ADK: variants seen among roughly 807,000 people sequenced by gnomAD.
ADK encodes the protein adenosine kinase, also known as N6,N6-dimethyladenosine kinase.
In ADK, 24 loss-of-function variants were observed where a neutral mutation model predicts 44.7. The observed-to-expected ratio is 0.54, with a 90% confidence interval of 0.39 to 0.76. The LOEUF (loss-of-function observed/expected upper bound fraction) is 0.76. Among genes scored for constraint, ADK ranks in the 30% least tolerant of loss-of-function variants. ADK has a pLI of 0.00. For missense variants in ADK, 321 were observed against 425.1 expected (o/e 0.76, Z 2.15); for synonymous variants, 128 against 142.6 (o/e 0.90, Z 0.73).
intron 10 of ADK, among the ~76,000 whole-genome samples, chr10:74,706,710 G>C (rs1309171136): frequency 6.6e-6 from 1 of 152,052 alleles, no homozygotes; most frequent in Non-Finnish European, 1.5e-5. Context: ...TCAAAGTTGA[G>C]TTTTTGCTAA....
At chr10:74,535,580 ATTT>A (rs748264198) in intron 7 of ADK, among the ~76,000 whole-genome samples, 6 of 129,516 alleles carry the variant, frequency 4.6e-5, no homozygotes, top group Non-Finnish European at 5.0e-5. Flanking sequence ...TTTTGACCCT[ATTT>A]TTTTTTTTTT....
At chr10:74,287,157 A>T (rs1314550231) in intron 3 of ADK, among the ~76,000 whole-genome samples, 1 of 152,146 alleles carries the variant, frequency 6.6e-6, no homozygotes, top group Admixed American at 6.5e-5. Context: ...GAGTGAGTGG[A>T]TATGATCGCT....
At chr10:74,443,626 G>A (rs1404451393) in intron 6 of ADK, among the ~76,000 whole-genome samples, 1 of 152,068 alleles carries the variant, frequency 6.6e-6, no homozygotes, top group Non-Finnish European at 1.5e-5. Context: ...CTGTGGTGAT[G>A]GTTACACATC....
intron 6 of ADK, among the ~76,000 whole-genome samples, chr10:74,468,920 T>C (rs149544997): frequency 6.6e-6 from 1 of 152,260 alleles, no homozygotes; most frequent in Admixed American, 6.5e-5. Flanking sequence ...AGTTGCTTTG[T>C]TTTGTTCAAA....
rs188174072 is a variant in ADK, at chr10:74,256,603, T to C, written c.194+32012T>C. Among the ~76,000 whole-genome samples, 10 of 152,326 alleles carry C rather than the reference T, an allele frequency of 6.6e-5. No homozygotes were observed. In the East Asian group the frequency reaches 1.9e-3, roughly 29 times the overall value. On this transcript the variant is annotated intron_variant, in intron 3 of 10. Coordinates refer to ENST00000539909, the MANE Select transcript of ADK (RefSeq NM_006721.4). ...GAGCATTTAATTACCAGTGCAAGAC[T>C]GTCCAGACTACTCTTTCCATTTACC...
chr10:74,655,527 A>T, intron 9 of ADK: 1 of 500,684 alleles, frequency 2.0e-6, no homozygotes, highest in Non-Finnish European at 4.0e-6. Flanking sequence ...AAGGAAGAAA[A>T]CAATGAACCA....
At chr10:74,181,313 A>C (rs1322249474) in intron 1 of ADK, among the ~76,000 whole-genome samples, 1 of 152,072 alleles carries the variant, frequency 6.6e-6, no homozygotes, top group Non-Finnish European at 1.5e-5. Flanking sequence ...TTTTAACTTA[A>C]GATCTTTGAA....
chr10:74,393,435 G>C (rs2132042271), intron 4 of ADK, among the ~76,000 whole-genome samples: 1 of 152,220 alleles, frequency 6.6e-6, no homozygotes, highest in Non-Finnish European at 1.5e-5. Flanking sequence ...GAAAAAATGA[G>C]ATATTTGTAA....
chr10:74,318,571 T>A (rs1840706963), intron 4 of ADK, among the ~76,000 whole-genome samples: 1 of 152,350 alleles, frequency 6.6e-6, no homozygotes, highest in South Asian at 2.1e-4. Flanking sequence ...TTACTAAAAC[T>A]GTAACTTACT....
rs575868194 is a variant in ADK, at chr10:74,346,879, G to A, written c.273+32134G>A. Among the ~76,000 whole-genome samples, 3 of 152,112 alleles carry A rather than the reference G, an allele frequency of 2.0e-5. No individual in the cohort carries two copies. In the East Asian group the frequency reaches 5.8e-4, roughly 30 times the overall value. On this transcript the variant is annotated intron_variant, in intron 4 of 10. Transcript: ENST00000539909. Reference sequence around the variant, plus strand: ...TTCCAGCAGTGCTTTGGGAGGCTGAGGCAGGTGGATCACGAGGTCAGGAGA... The same window carrying A: ...TTCCAGCAGTGCTTTGGGAGGCTGAAGCAGGTGGATCACGAGGTCAGGAGA...
At chr10:74,358,242 G>A (rs1282955703) in intron 4 of ADK, among the ~76,000 whole-genome samples, 3 of 152,194 alleles carry the variant, frequency 2.0e-5, no homozygotes, top group Non-Finnish European at 2.9e-5. Flanking sequence ...GCTTTTTGCA[G>A]CATTTTTGAT....
At chr10:74,169,196 G>A (rs538215958) in intron 1 of ADK, among the ~76,000 whole-genome samples, 41 of 152,102 alleles carry the variant, frequency 2.7e-4, no homozygotes, top group African/African-American at 9.2e-4. Flanking sequence ...TTCAGCCTGC[G>A]TGACAGTGGG....
intron 3 of ADK, among the ~76,000 whole-genome samples, chr10:74,311,289 T>C (rs1840425183): frequency 6.6e-6 from 1 of 152,192 alleles, no homozygotes; most frequent in African/African-American, 2.4e-5. Flanking sequence ...ATCTGTAACA[T>C]TTAAAAATGT....
rs397514452 is a variant in ADK at position 74,670,258 on chromosome 10, C to T, written c.953C>T (p.Ala318Val). The change falls in exon 10 of 11, where the codon GCA (alanine) becomes GTA (valine). Residue 318 changes from alanine (A) to valine (V), a missense_variant. Ala to Val is a moderately conservative substitution (Grantham distance 64). Transcript: ENST00000539909. ...EIIDTNGAGD[A>V]FVGGFLSQLV... The stretch of plus-strand genomic sequence containing the variant: ...ATTGATACCAATGGAGCTGGAGATG[C>T]ATTTGTTGGAGGTACAGACTAATTT... The T allele has an allele frequency of 2.5e-6, 4 of 1,613,054 alleles. No homozygotes were observed. Among genetic ancestry groups the T allele is most frequent in the Non-Finnish European group, 3.4e-6 (4 of 1,179,142 alleles).
chr10:74,230,624 C>G (rs1426658996), intron 3 of ADK, among the ~76,000 whole-genome samples: 2 of 152,052 alleles, frequency 1.3e-5, no homozygotes, highest in Middle Eastern at 3.2e-3. Context: ...AAGCAGTCCT[C>G]CTGCCTCTGC....
chr10:74,387,298 T>A (rs974385867), intron 4 of ADK, among the ~76,000 whole-genome samples: 11 of 152,212 alleles, frequency 7.2e-5, no homozygotes, highest in Non-Finnish European at 1.2e-4. Flanking sequence ...TGTGCGAAAC[T>A]GAATCTTTGA....
chr10:74,216,951 G>A (rs991840664), intron 2 of ADK, among the ~76,000 whole-genome samples: 11 of 152,142 alleles, frequency 7.2e-5, no homozygotes, highest in Non-Finnish European at 8.8e-5. Context: ...TGCAGAAGAC[G>A]GGTGATTTCT....
intron 1 of ADK, among the ~76,000 whole-genome samples, chr10:74,179,249 T>G (rs1201851548): frequency 2.6e-5 from 4 of 152,178 alleles, no homozygotes; most frequent in African/African-American, 9.7e-5. Flanking sequence ...TTAATACAAT[T>G]ATGTCATATC....
intron 2 of ADK, among the ~76,000 whole-genome samples, chr10:74,201,720 CT>C (rs1843400845): frequency 2.3e-5 from 3 of 128,214 alleles, no homozygotes; most frequent in African/African-American, 8.3e-5. Flanking sequence ...ATCTATCTAT[CT>C]ATCTATCTAT....
Sources: allele counts gnomAD v4.1 joint callset (sites outside exome capture counted in the v4.1 genomes callset), GRCh38; gene constraint gnomAD v4.1.1; transcripts MANE v1.5; gene names NCBI Gene and HGNC (gene_info 2026-07-23, HGNC 2026-07-21).